Variants in CEP250 observed in about 807,000 individuals in gnomAD.
CEP250 encodes the protein centrosomal protein 250.
Under a neutral mutation model 315.7 loss-of-function variants are expected in CEP250, and 242 were observed. That is an observed-to-expected ratio of 0.77 (90% confidence interval 0.69 to 0.85). CEP250 has a LOEUF of 0.85. CEP250 is among the 40% of genes least tolerant of loss of function. The pLI, the probability that CEP250 is intolerant of heterozygous loss-of-function variation, is 0.00. For synonymous variants in CEP250, 1,088 were observed against 1,175.0 expected (o/e 0.93, Z 1.51); for missense variants, 2,515 against 2,886.4 (o/e 0.87, Z 2.95).
intron 9 of CEP250, among the ~76,000 whole-genome samples, chr20:35,468,837 G>A (rs945197498): frequency 1.3e-5 from 2 of 152,050 alleles, no homozygotes; most frequent in Non-Finnish European, 2.9e-5. Flanking sequence ...CACTATGCCT[G>A]GCTAACTTTT....
intron 3 of CEP250, among the ~76,000 whole-genome samples, 190 bp from the exon 4 acceptor site, chr20:35,462,075 G>C (rs755408965): frequency 3.3e-5 from 5 of 152,230 alleles, no homozygotes; most frequent in Non-Finnish European, 7.3e-5. Context: ...TTAGTGCAGA[G>C]TTCCAAAAGT....
rs201227843 is a variant in CEP250, at chr20:35,476,515, C to T, written c.1783C>T (p.Arg595Trp). ...NTLKTEVADLRAAAVKLSALN... is the reference protein window; with the variant it reads ...NTLKTEVADLWAAAVKLSALN... ...CCTGAAGACAGAAGTAGCTGATCTT[C>T]GGGCTGCAGCTGTCAAGCTCAGTGC... Residue 595 changes from arginine to tryptophan, a missense_variant, in exon 16 of 35, where the codon CGG (arginine) becomes TGG (tryptophan). By Grantham distance (101) the Arg-to-Trp change is moderately radical. Coordinates refer to ENST00000397527, the MANE Select transcript of CEP250 (RefSeq NM_007186.6). 324 of 1,613,988 alleles carry T rather than the reference C, an allele frequency of 2.0e-4. 1 individual carries two copies. Among genetic ancestry groups the T allele is most frequent in the Non-Finnish European group, 2.7e-4 (314 of 1,179,962 alleles).
In CEP250 at chr20:35,500,055, C is replaced by T. The variant is rs915206560; in HGVS notation, c.3784C>T (p.Leu1262=). 5 of 1,613,986 alleles carry T rather than the reference C, an allele frequency of 3.1e-6. No homozygotes were observed. The African/African-American group carries it at 4.0e-5, about 13-fold the overall frequency. The change falls in exon 28 of 35, where the codon CTG becomes TTG. Residue 1262 remains leucine, a synonymous_variant. Coordinates refer to ENST00000397527, the MANE Select transcript of CEP250 (RefSeq NM_007186.6). ...CATGCCCTTCCTTTCCCAGGATGTTCTGAGGGATCAGGTCCAGAAACTGGA... is the reference window on the plus strand; with the variant it reads ...CATGCCCTTCCTTTCCCAGGATGTTTTGAGGGATCAGGTCCAGAAACTGGA... ...LWKTQQTRDV[L]RDQVQKLEER...
At chr20:35,484,369 A>C (rs2063445134) in intron 20 of CEP250, among the ~76,000 whole-genome samples, 1 of 152,116 alleles carries the variant, frequency 6.6e-6, no homozygotes, top group Non-Finnish European at 1.5e-5. Context: ...TTTGACCCAC[A>C]GTCAGGCCCA....
At chr20:35,465,263 T>A (rs2062846097) in intron 5 of CEP250, among the ~76,000 whole-genome samples, 1 of 151,916 alleles carries the variant, frequency 6.6e-6, no homozygotes, top group African/African-American at 2.4e-5. Flanking sequence ...CTACTAAAAC[T>A]ACAAAAATTA....
chr20:35,456,823 C>T (rs1183300969), intron 1 of CEP250, among the ~76,000 whole-genome samples: 2 of 151,598 alleles, frequency 1.3e-5, no homozygotes, highest in African/African-American at 4.9e-5. Flanking sequence ...CTCAGTCACC[C>T]AGGCTGGAGT....
chr20:35,498,788 C>T, intron 27 of CEP250, 72 bp downstream of exon 27: 2 of 1,465,326 alleles, frequency 1.4e-6, no homozygotes, highest in Non-Finnish European at 1.8e-6. Context: ...GGGTGTGAAG[C>T]AGTTTGACCT....
chr20:35,473,848 A>G, intron 13 of CEP250, 22 bp from the exon 14 acceptor site: 1 of 1,599,940 alleles, frequency 6.3e-7, no homozygotes, highest in Non-Finnish European at 8.5e-7. Flanking sequence ...GTCTCTGCTC[A>G]TCTCTGATTC....
chr20:35,467,663 G>A, intron 9 of CEP250, 108 bp downstream of exon 9: 2 of 1,277,544 alleles, frequency 1.6e-6, no homozygotes, highest in South Asian at 2.9e-5. Context: ...ACCATGGAGG[G>A]GGAGAAGATG....
At chr20:35,463,362 C>G (rs892800560) in intron 4 of CEP250, among the ~76,000 whole-genome samples, 1 of 152,210 alleles carries the variant, frequency 6.6e-6, no homozygotes, top group Non-Finnish European at 1.5e-5. Context: ...AAGATTGTGC[C>G]ACTGCACTCC....
At chr20:35,481,092 A>C (rs900546758) in intron 20 of CEP250, 1 of 151,928 alleles carries the variant, frequency 6.6e-6, no homozygotes, top group Non-Finnish European at 1.5e-5. Flanking sequence ...CAGTAGTTTT[A>C]CCCTTTTCCT....
Position 35,513,922 on chromosome 20 carries a change from C to G in CEP250, c.*2296C>G, listed in dbSNP as rs2064404091. On this transcript the variant is annotated 3_prime_UTR_variant, in exon 35 of 35. Coordinates refer to ENST00000397527, the MANE Select transcript of CEP250 (RefSeq NM_007186.6). ...TCCCCTCCCCACCAGATATTCAGAG[C>G]AGGGCTGGCCTTCAGTTCAAGTGTA... is the stretch of plus-strand genomic sequence containing the variant. The G allele has an allele frequency of 6.6e-6, 1 of 152,334 alleles. No homozygotes were observed. Among genetic ancestry groups the G allele is most frequent in the African/African-American group, 2.4e-5 (1 of 41,478 alleles). 9.4% of individuals were successfully genotyped at this position (152,334 alleles called of 1,614,324 possible).
intron 7 of CEP250, among the ~76,000 whole-genome samples, chr20:35,466,405 A>C (rs954858840): frequency 2.0e-5 from 3 of 152,190 alleles, no homozygotes; most frequent in African/African-American, 7.2e-5. Context: ...CTACCCGCCT[A>C]GTCTAGGTTC....
chr20:35,464,870 C>T (rs759103641), intron 5 of CEP250, among the ~76,000 whole-genome samples: 33 of 151,604 alleles, frequency 2.2e-4, no homozygotes, highest in Non-Finnish European at 3.8e-4. Context: ...TGCAGTGAGC[C>T]GAGATCATGC....
chr20:35,508,870 C>A, intron 32 of CEP250, 73 bp from the exon 33 acceptor site: 1 of 1,280,896 alleles, frequency 7.8e-7, no homozygotes, highest in Non-Finnish European at 1.1e-6. Flanking sequence ...CACTGGCCAC[C>A]TCTGGAGAAA....
intron 21 of CEP250, 87 bp downstream of exon 21, chr20:35,490,891 C>T: frequency 6.8e-7 from 1 of 1,473,368 alleles, no homozygotes; most frequent in Non-Finnish European, 9.2e-7. Context: ...AAGAGGAGTG[C>T]TGCAGAGGGG....
At chr20:35,500,368 T>C (rs1412572474) in intron 28 of CEP250, among the ~76,000 whole-genome samples, 199 bp downstream of exon 28, 1 of 152,184 alleles carries the variant, frequency 6.6e-6, no homozygotes, top group Non-Finnish European at 1.5e-5. Flanking sequence ...GCAGCTAGGA[T>C]TATAGGCATG....
rs1177763850 is a variant in CEP250 at position 35,508,059 on chromosome 20, A to C, written c.6775A>C (p.Ser2259Arg). The C allele has an allele frequency of 6.2e-7, 1 of 1,614,050 alleles. No homozygotes were observed. The highest frequency in any genetic ancestry group is 1.3e-5 in the African/African-American group (1 of 74,922). Residue 2259 changes from serine to arginine, a missense_variant, in exon 32 of 35, where the codon AGT becomes CGT. Ser to Arg is a moderately radical substitution (Grantham distance 110, BLOSUM62 -1). Coordinates refer to ENST00000397527, the MANE Select transcript of CEP250 (RefSeq NM_007186.6). Reference protein sequence around the residue: ...GEVSGVEAEPSPDGMEKQSWR... With the variant: ...GEVSGVEAEPRPDGMEKQSWR... Reference sequence around the variant, plus strand: ...GGTCTCAGGAGTGGAGGCTGAGCCTAGTCCTGATGGAATGGAGAAGCAGTC... The same window carrying C: ...GGTCTCAGGAGTGGAGGCTGAGCCTCGTCCTGATGGAATGGAGAAGCAGTC...
intron 24 of CEP250, among the ~76,000 whole-genome samples, chr20:35,495,898 A>G (rs1253188659): frequency 6.6e-6 from 1 of 152,078 alleles, no homozygotes; most frequent in Non-Finnish European, 1.5e-5. Context: ...GGTAGTGGGG[A>G]AGAGGAGGAG....
Sources: gnomAD v4.1 joint callset for allele counts (sites outside exome capture counted in the v4.1 genomes callset) on GRCh38, gnomAD v4.1.1 for gene constraint, MANE v1.5 for transcripts, NCBI Gene and HGNC (gene_info 2026-07-23, HGNC 2026-07-21) for gene names.